The following ANXA8 variants were observed in gnomAD, a reference collection of about 807,000 sequenced individuals.
ANXA8 encodes VAC-beta.
In ANXA8, 9 loss-of-function variants were observed where a neutral mutation model predicts 26.8. The ratio of observed to expected loss-of-function variants is 0.34; its 90% CI spans 0.20 to 0.59. The LOEUF is 0.59. Ranked by LOEUF, ANXA8 falls within the 20% of genes least tolerant of loss-of-function variation. The pLI is 0.84. For missense variants in ANXA8, 83 were observed against 238.5 expected (o/e 0.35, Z 4.29); for synonymous variants, 39 against 94.8 (o/e 0.41, Z 3.42).
At chr10:47,627,334 A>C in the ANXA8 span, among the ~76,000 whole-genome samples, 2 of 150,098 alleles carry the variant, frequency 1.3e-5, no homozygotes, top group African/African-American at 5.0e-5. Flanking sequence ...GCATAATGTG[A>C]ATTTCTTAAG....
chr10:47,716,248 T>TTGTG, the ANXA8 span, among the ~76,000 whole-genome samples: 3 of 115,378 alleles, frequency 2.6e-5, no homozygotes, highest in Non-Finnish European at 5.1e-5. Context: ...AGGCTACCAC[T>TTGTG]TGTGGTAAAA....
At chr10:47,492,950 G>T in the ANXA8 span, among the ~76,000 whole-genome samples, 1 of 151,254 alleles carries the variant, frequency 6.6e-6, no homozygotes, top group South Asian at 2.1e-4. Flanking sequence ...TTAGTTTACT[G>T]GACTGTGGGC....
chr10:47,735,799 A>G, the ANXA8 span, among the ~76,000 whole-genome samples: 1 of 150,998 alleles, frequency 6.6e-6, no homozygotes, highest in African/African-American at 2.4e-5. Context: ...ATGCCTCCAT[A>G]CCTGGACACT....
chr10:47,691,148 A>G, the ANXA8 span: 2 of 1,600,526 alleles, frequency 1.2e-6, no homozygotes. Context: ...TCAATCAGAA[A>G]CTAAGAAGAA....
the ANXA8 span, chr10:47,581,618 T>G: frequency 2.3e-6 from 1 of 441,628 alleles, no homozygotes; most frequent in Non-Finnish European, 4.4e-6. Flanking sequence ...CATTTCTTTT[T>G]TTTTTTGAGA....
chr10:47,554,116 A>AATAAATAC, the ANXA8 span, among the ~76,000 whole-genome samples: 1 of 144,644 alleles, frequency 6.9e-6, no homozygotes, highest in Non-Finnish European at 1.5e-5. Context: ...TCAAAAAATA[A>AATAAATAC]ATAAATAAAT....
At chr10:47,696,427 G>A in the ANXA8 span, 9 of 1,296,884 alleles carry the variant, frequency 6.9e-6, 1 homozygote, top group African/African-American at 4.8e-5. Flanking sequence ...GAGGACCAAT[G>A]GATTGGTGAG....
chr10:47,894,697 C>T, the ANXA8 span, among the ~76,000 whole-genome samples: 1 of 152,202 alleles, frequency 6.6e-6, no homozygotes, highest in Admixed American at 6.5e-5. Context: ...TACAGACACA[C>T]ATACTAACAC....
At chr10:47,768,611 G>T in the ANXA8 span, among the ~76,000 whole-genome samples, 29,773 of 149,980 alleles carry the variant, frequency 0.2, 3,246 homozygotes, top group East Asian at 0.45. Flanking sequence ...GGCTGGGGAG[G>T]GGGGTGTGCT....
At chr10:47,501,938 T>G in the ANXA8 span, 5 of 1,196,112 alleles carry the variant, frequency 4.2e-6, no homozygotes, top group Non-Finnish European at 5.8e-6. Flanking sequence ...ACATTTTGTG[T>G]ATTTACTTAG....
chr10:47,685,454 C>T, the ANXA8 span, among the ~76,000 whole-genome samples: 2 of 151,702 alleles, frequency 1.3e-5, no homozygotes, highest in Non-Finnish European at 2.9e-5. Context: ...TCTGAATTCT[C>T]AGGACTGCTT....
chr10:47,503,863 C>G, the ANXA8 span, among the ~76,000 whole-genome samples: 2 of 103,336 alleles, frequency 1.9e-5, no homozygotes, highest in Non-Finnish European at 3.6e-5. Context: ...GAACAGGGAC[C>G]TGGGAGGCAG....
chr10:47,960,490 A>T, the ANXA8 span, among the ~76,000 whole-genome samples: 1 of 149,538 alleles, frequency 6.7e-6, no homozygotes, highest in Non-Finnish European at 1.5e-5. Flanking sequence ...ACCTTGGGGG[A>T]ACTCTCATGA....
At chr10:47,671,462 T>C in the ANXA8 span, among the ~76,000 whole-genome samples, 1 of 151,474 alleles carries the variant, frequency 6.6e-6, no homozygotes, top group East Asian at 1.9e-4. Context: ...CAAAACCGAC[T>C]ATATTTCTGC....
the ANXA8 span, among the ~76,000 whole-genome samples, chr10:47,941,988 T>A: frequency 1.4e-5 from 2 of 147,842 alleles, no homozygotes; most frequent in Non-Finnish European, 3.0e-5. Flanking sequence ...CAAGACAGGC[T>A]ACTTTTTAAC....
the ANXA8 span, among the ~76,000 whole-genome samples, chr10:47,687,824 G>C: frequency 6.6e-6 from 1 of 152,030 alleles, no homozygotes; most frequent in East Asian, 1.9e-4. Flanking sequence ...GTCTCGCCAG[G>C]CACGTTGGCT....
At chr10:47,560,782 T>C in the ANXA8 span, among the ~76,000 whole-genome samples, 1 of 152,064 alleles carries the variant, frequency 6.6e-6, no homozygotes, top group Non-Finnish European at 1.5e-5. Flanking sequence ...AGAAGCATTT[T>C]GAATAATTTG....
the ANXA8 span, among the ~76,000 whole-genome samples, chr10:47,700,596 G>A: frequency 1.3e-5 from 2 of 151,524 alleles, no homozygotes; most frequent in Admixed American, 1.3e-4. Context: ...TGTAGGGAAA[G>A]GCTTTTTCTT....
chr10:47,989,125 C>G, the ANXA8 span, among the ~76,000 whole-genome samples: 1 of 134,170 alleles, frequency 7.5e-6, no homozygotes, highest in Non-Finnish European at 1.6e-5. Flanking sequence ...AGCTAGTAAG[C>G]GATGCTGTTG....
Sources: gnomAD v4.1 joint callset for allele counts (sites outside exome capture counted in the v4.1 genomes callset) on GRCh38, gnomAD v4.1.1 for gene constraint, MANE v1.5 for transcripts, NCBI Gene and HGNC (gene_info 2026-07-23, HGNC 2026-07-21) for gene names.